GALNT7: variants seen among roughly 807,000 people sequenced by gnomAD.
GALNT7 encodes polypeptide N-acetylgalactosaminyltransferase 7.
Under a neutral mutation model 82.1 loss-of-function variants are expected in GALNT7, and 60 were observed. The ratio of observed to expected loss-of-function variants is 0.73; its 90% CI spans 0.59 to 0.91. GALNT7 has a LOEUF of 0.91. Among genes scored for constraint, GALNT7 ranks in the 40% least tolerant of loss-of-function variants. The pLI, the probability that GALNT7 is intolerant of heterozygous loss-of-function variation, is 0.00. For synonymous variants in GALNT7, 243 were observed against 275.1 expected (o/e 0.88, Z 1.15); for missense variants, 660 against 804.2 (o/e 0.82, Z 2.17).
chr4:173,251,242 A>T (rs1373123770), intron 2 of GALNT7, among the ~76,000 whole-genome samples: 1 of 152,214 alleles, frequency 6.6e-6, no homozygotes, highest in South Asian at 2.1e-4. Context: ...ATCTTTGACC[A>T]GTTACTTGTC....
chr4:173,223,342 TAG>T lies in GALNT7; in HGVS notation c.127-24635_127-24634del, dbSNP rs1382391033. Among the ~76,000 whole-genome samples the T allele has an allele frequency of 3.9e-5, 6 of 152,238 alleles. No individual in the cohort carries two copies. In the East Asian group the frequency reaches 5.8e-4, roughly 15 times the overall value. On this transcript the variant is annotated intron_variant, in intron 1 of 11. Coordinates refer to ENST00000265000, the MANE Select transcript of GALNT7 (RefSeq NM_017423.3). ...TACATATGGTGAATAAATTAAGTGA[TAG>T]AGTTTTTTTAATTAGCAAGATTTTT...
chr4:173,277,309 C>G (rs975723241), intron 2 of GALNT7, among the ~76,000 whole-genome samples: 3 of 152,250 alleles, frequency 2.0e-5, no homozygotes, highest in African/African-American at 7.2e-5. Flanking sequence ...CTCGGAAGTA[C>G]AAACTGAAAA....
chr4:173,271,127 T>C (rs535202829), intron 2 of GALNT7, among the ~76,000 whole-genome samples: 2 of 152,336 alleles, frequency 1.3e-5, no homozygotes, highest in Non-Finnish European at 2.9e-5. Context: ...AGCAAAGCCA[T>C]CTGCAAAGTG....
At chr4:173,230,291 T>G (rs1252651071) in intron 1 of GALNT7, among the ~76,000 whole-genome samples, 1 of 25,258 alleles carries the variant, frequency 4.0e-5, no homozygotes, top group African/African-American at 4.8e-5. Flanking sequence ...TTTAAGCATA[T>G]GTTATATATT....
chr4:173,212,754 A>G (rs1390589390), intron 1 of GALNT7, among the ~76,000 whole-genome samples: 1 of 152,168 alleles, frequency 6.6e-6, no homozygotes, highest in East Asian at 1.9e-4. Flanking sequence ...GGACATATCA[A>G]TACAACAGAA....
At chr4:173,237,733 A>G (rs917007940) in intron 1 of GALNT7, among the ~76,000 whole-genome samples, 3 of 149,920 alleles carry the variant, frequency 2.0e-5, no homozygotes, top group Non-Finnish European at 3.0e-5. Context: ...ATCAAAGGAT[A>G]GGCCTAAATA....
intron 8 of GALNT7, among the ~76,000 whole-genome samples, chr4:173,310,093 A>C (rs1737323156): frequency 6.6e-6 from 1 of 152,182 alleles, no homozygotes; most frequent in Admixed American, 6.5e-5. Context: ...TTTTGACAGC[A>C]TCTACTTGAG....
intron 2 of GALNT7, among the ~76,000 whole-genome samples, chr4:173,289,327 T>A (rs1736455145): frequency 6.6e-6 from 1 of 152,204 alleles, no homozygotes; most frequent in African/African-American, 2.4e-5. Context: ...CAGTTTCTTG[T>A]TCTCTGAACT....
intron 1 of GALNT7, among the ~76,000 whole-genome samples, chr4:173,174,369 T>C (rs887538955): frequency 1.1e-4 from 17 of 152,256 alleles, no homozygotes; most frequent in African/African-American, 4.1e-4. Flanking sequence ...GCAGGGTTCA[T>C]GTTTCCTGTT....
chr4:173,173,006 G>T (rs1489859238), intron 1 of GALNT7, among the ~76,000 whole-genome samples: 1 of 152,110 alleles, frequency 6.6e-6, no homozygotes, highest in Admixed American at 6.5e-5. Context: ...CCTGGTGGGG[G>T]TCATCATTAT....
chr4:173,308,322 C>A (rs1181304507), intron 8 of GALNT7, among the ~76,000 whole-genome samples: 4 of 152,068 alleles, frequency 2.6e-5, no homozygotes, highest in Non-Finnish European at 5.9e-5. Context: ...ATTGAATGTT[C>A]TCCATGAATA....
At chr4:173,223,942 G>A (rs562973750) in intron 1 of GALNT7, among the ~76,000 whole-genome samples, 2 of 152,242 alleles carry the variant, frequency 1.3e-5, no homozygotes, top group African/African-American at 2.4e-5. Flanking sequence ...GGCAAATGAC[G>A]TCAGGTTGTT....
chr4:173,180,924 G>T (rs910178502), intron 1 of GALNT7, among the ~76,000 whole-genome samples: 4 of 152,148 alleles, frequency 2.6e-5, no homozygotes, highest in Non-Finnish European at 5.9e-5. Context: ...TGCCTTTACA[G>T]TCTGTTTGCA....
chr4:173,310,473 T>TA (rs1401491983), intron 8 of GALNT7, among the ~76,000 whole-genome samples: 2 of 152,184 alleles, frequency 1.3e-5, no homozygotes, highest in African/African-American at 2.4e-5. Context: ...CCCTTCAGTC[T>TA]ACCCTCCACT....
At chr4:173,266,104 A>G (rs1489263713) in intron 2 of GALNT7, among the ~76,000 whole-genome samples, 1 of 152,092 alleles carries the variant, frequency 6.6e-6, no homozygotes, top group African/African-American at 2.4e-5. Context: ...CTACAAATAC[A>G]AAAAAATTAG....
At chr4:173,288,593 A>G (rs942680579) in intron 2 of GALNT7, among the ~76,000 whole-genome samples, 6 of 152,122 alleles carry the variant, frequency 3.9e-5, no homozygotes, top group Non-Finnish European at 8.8e-5. Flanking sequence ...CCCCAGCGGA[A>G]TAAAATTAAC....
Position 173,308,718 on chromosome 4 carries a change from C to A in GALNT7, c.1389+4600C>A, listed in dbSNP as rs148649290. Among the ~76,000 whole-genome samples, 969 of 152,272 alleles carry A rather than the reference C, an allele frequency of 6.4e-3. 10 individuals are homozygous for A. The highest frequency in any genetic ancestry group is 0.022 in the African/African-American group (894 of 41,546). On this transcript the variant is annotated intron_variant, in intron 8 of 11. Transcript: ENST00000265000. ...AGGAGTTCGAGACCAGCCTGACCAA[C>A]ATAGTGAAACCCAGTCTGTACTAAA...
At chr4:173,266,926 TGG>T (rs1214219946) in intron 2 of GALNT7, among the ~76,000 whole-genome samples, 2 of 120,984 alleles carry the variant, frequency 1.7e-5, no homozygotes, top group Admixed American at 8.6e-5. Flanking sequence ...TGTGTGTGTG[TGG>T]AGGGCTGGGA....
At chr4:173,295,023 C>G (rs1191436659) in intron 3 of GALNT7, among the ~76,000 whole-genome samples, 1 of 152,164 alleles carries the variant, frequency 6.6e-6, no homozygotes, top group Admixed American at 6.5e-5. Flanking sequence ...GGCAGTGCAT[C>G]TTCAGAAACC....
Sources: allele counts gnomAD v4.1 joint callset (sites outside exome capture counted in the v4.1 genomes callset), GRCh38; gene constraint gnomAD v4.1.1; transcripts MANE v1.5; gene names NCBI Gene and HGNC (gene_info 2026-07-23, HGNC 2026-07-21).